The following TCF20 variants were observed in gnomAD, a reference collection of about 807,000 sequenced individuals.
The protein encoded by TCF20 is SPRE-binding protein.
A neutral mutation model predicts 148.6 loss-of-function variants in TCF20; 3 were observed. The observed-to-expected ratio is 0.02, with a 90% confidence interval of 0.01 to 0.05. The LOEUF (loss-of-function observed/expected upper bound fraction) is 0.05. Among genes scored for constraint, TCF20 ranks in the 10% least tolerant of loss-of-function variants. The probability of loss-of-function intolerance (pLI) is 1.00; values close to 1 mark genes in which losing one functional copy is unlikely to be tolerated. For synonymous variants in TCF20, 1,049 were observed against 909.5 expected, an observed-to-expected ratio of 1.15 and a Z score of -2.76; for missense variants, 2,350 against 2,429.3, an observed-to-expected ratio of 0.97 and a Z score of 0.69.
At chr22:42,340,951 G>C (rs1041168359) in intron 1 of TCF20, among the ~76,000 whole-genome samples, 1 of 141,934 alleles carries the variant, frequency 7.0e-6, no homozygotes, top group Non-Finnish European at 1.5e-5. Context: ...CTCTAATGAA[G>C]GCCCTGCAGA....
chr22:42,326,121 G>A (rs1927870824), intron 1 of TCF20, among the ~76,000 whole-genome samples: 1 of 152,046 alleles, frequency 6.6e-6, no homozygotes, highest in African/African-American at 2.4e-5. Context: ...AGGAGAGGAA[G>A]GAGCCATCCT....
intron 4 of TCF20, among the ~76,000 whole-genome samples, 157 bp downstream of exon 4, chr22:42,169,690 C>A (rs1014400877): frequency 6.6e-6 from 1 of 152,174 alleles, no homozygotes; most frequent in African/African-American, 2.4e-5. Flanking sequence ...CAGCATCATG[C>A]CCCTCCACCC....
chr22:42,262,409 C>T (rs879492981), intron 1 of TCF20, among the ~76,000 whole-genome samples: 9 of 152,142 alleles, frequency 5.9e-5, no homozygotes, highest in South Asian at 2.1e-4. Context: ...TTTGAGAAAC[C>T]GGGTAAACGG....
intron 2 of TCF20, among the ~76,000 whole-genome samples, chr22:42,187,573 C>T (rs1014797434): frequency 7.9e-5 from 12 of 152,214 alleles, no homozygotes; most frequent in African/African-American, 2.9e-4. Flanking sequence ...TTGGCGGCAT[C>T]TAACAGCTAC....
intron 1 of TCF20, among the ~76,000 whole-genome samples, chr22:42,341,208 A>G (rs1356682260): frequency 6.6e-6 from 1 of 151,966 alleles, no homozygotes; most frequent in East Asian, 1.9e-4. Context: ...CACCCTCTCC[A>G]ATCAGCCAGC....
intron 1 of TCF20, among the ~76,000 whole-genome samples, chr22:42,254,699 C>T (rs1925624356): frequency 6.6e-6 from 1 of 152,160 alleles, no homozygotes; most frequent in Admixed American, 6.5e-5. Flanking sequence ...CCATAAAAAT[C>T]CAAAAGGAGC....
At chr22:42,241,041 G>C (rs1410448850) in intron 1 of TCF20, among the ~76,000 whole-genome samples, 3 of 152,000 alleles carry the variant, frequency 2.0e-5, no homozygotes, top group Admixed American at 2.0e-4. Flanking sequence ...TTTTTAGTAA[G>C]GAGGGGGTTT....
At chr22:42,331,485 G>A (rs373046952) in intron 1 of TCF20, among the ~76,000 whole-genome samples, 4 of 152,236 alleles carry the variant, frequency 2.6e-5, no homozygotes, top group African/African-American at 9.6e-5. Context: ...AGGAACCCAG[G>A]TCCACCAGGG....
chr22:42,307,396 A>C (rs1439808190), intron 1 of TCF20, among the ~76,000 whole-genome samples: 1 of 152,164 alleles, frequency 6.6e-6, no homozygotes, highest in Non-Finnish European at 1.5e-5. Flanking sequence ...CACTGCTCTG[A>C]TTCCCCCTGC....
chr22:42,186,281 A>G (rs145943052), intron 2 of TCF20, among the ~76,000 whole-genome samples: 1 of 152,242 alleles, frequency 6.6e-6, no homozygotes, highest in Non-Finnish European at 1.5e-5. Flanking sequence ...GTGAAAGCCA[A>G]AAGTCACCAG....
At chr22:42,323,235 G>T (rs573933993) in intron 1 of TCF20, among the ~76,000 whole-genome samples, 1 of 151,758 alleles carries the variant, frequency 6.6e-6, no homozygotes, top group Non-Finnish European at 1.5e-5. Context: ...CTTGTTCAGA[G>T]GCCAAAGCCC....
chr22:42,302,300 CAA>C (rs1927351310), intron 1 of TCF20, among the ~76,000 whole-genome samples: 2 of 152,188 alleles, frequency 1.3e-5, no homozygotes, highest in African/African-American at 4.8e-5. Context: ...GTCTCTAGGA[CAA>C]AAGAGACGGT....
chr22:42,275,579 G>T (rs1476976450), upstream of TCF20, among the ~76,000 whole-genome samples: 1 of 152,192 alleles, frequency 6.6e-6, no homozygotes, highest in Non-Finnish European at 1.5e-5. Flanking sequence ...GAGGGGCCAG[G>T]TGAGCTGCCT....
At position 42,215,141 on chromosome 22, in the gene TCF20, A is replaced by G. The variant is rs961722896; in HGVS notation, c.165T>C (p.Ser55=). The G allele has an allele frequency of 6.2e-6, 10 of 1,606,516 alleles. No individual in the cohort carries two copies. The highest frequency in any genetic ancestry group is 8.5e-6 in the Non-Finnish European group (10 of 1,173,512). The part of the protein sequence containing the change: ...GGSSGSSGSG[S]GGGRRGAAAA... Reference sequence around the variant, plus strand: ...CTGCTGCTCCTCGTCGTCCACCACCACTGCCACTGCCACTGCTGCCACTAC... The same window carrying G: ...CTGCTGCTCCTCGTCGTCCACCACCGCTGCCACTGCCACTGCTGCCACTAC... The change falls in exon 2 of 6, where the codon AGT becomes AGC. Residue 55 remains serine, a synonymous_variant. Coordinates refer to ENST00000677622, the MANE Select transcript of TCF20 (RefSeq NM_001378418.1).
Position 42,213,882 on chromosome 22 carries a change from A to T in TCF20, c.1424T>A (p.Leu475His). 6.2e-7 allele frequency: 1 copy of T among 1,614,202 alleles called. No individual in the cohort carries two copies. The highest frequency in any genetic ancestry group is 8.5e-7 in the Non-Finnish European group (1 of 1,180,038). ...CTTCTGAGGAGTCAGGGCATCAGAA[A>T]GTAACATGTGCTGGACAGTGTTAGG... ...NLPNTVQHML[L>H]SDALTPQKKT... Residue 475 changes from leucine (L) to histidine (H), a missense_variant, in exon 2 of 6, where the codon CTT becomes CAT. Coordinates refer to ENST00000677622, the MANE Select transcript of TCF20 (RefSeq NM_001378418.1).
intron 1 of TCF20, chr22:42,278,656 A>C (rs1926834413): frequency 6.6e-6 from 1 of 152,250 alleles, no homozygotes; most frequent in African/African-American, 2.4e-5. Flanking sequence ...TGCTGAGGAG[A>C]GGCAAGGCTG....
chr22:42,199,555 T>C (rs1438211788), intron 2 of TCF20, among the ~76,000 whole-genome samples: 1 of 151,948 alleles, frequency 6.6e-6, no homozygotes, highest in Non-Finnish European at 1.5e-5. Flanking sequence ...ACATTGTCAG[T>C]ATCTTGGGAA....
chr22:42,253,485 AC>A (rs1182893622), intron 1 of TCF20, among the ~76,000 whole-genome samples: 1 of 152,248 alleles, frequency 6.6e-6, no homozygotes, highest in African/African-American at 2.4e-5. Context: ...TATTATCTCA[AC>A]TACTATAATT....
intron 1 of TCF20, among the ~76,000 whole-genome samples, chr22:42,312,846 C>G (rs1189928011): frequency 1.3e-5 from 2 of 152,130 alleles, no homozygotes; most frequent in African/African-American, 4.8e-5. Context: ...GCATGGGGCC[C>G]CAATCTAGTG....
Sources: allele counts gnomAD v4.1 joint callset (sites outside exome capture counted in the v4.1 genomes callset), GRCh38; gene constraint gnomAD v4.1.1; transcripts MANE v1.5; gene names NCBI Gene and HGNC (gene_info 2026-07-23, HGNC 2026-07-21).